Variants in DNAJC13 observed in about 807,000 individuals in gnomAD.
DNAJC13 encodes dnaJ homolog subfamily C member 13.
In DNAJC13, 75 loss-of-function variants were observed where a neutral mutation model predicts 290.5. That is an observed-to-expected ratio of 0.26 (90% CI 0.21 to 0.31). The LOEUF (loss-of-function observed/expected upper bound fraction) is 0.31. DNAJC13 is among the 10% of genes least tolerant of loss of function. DNAJC13 has a pLI of 1.00. For synonymous variants in DNAJC13, 862 were observed against 892.0 expected (o/e 0.97, Z 0.60); for missense variants, 2,260 against 2,674.5 (o/e 0.85, Z 3.42).
chr3:132,480,892 G>A (rs1329582876), intron 26 of DNAJC13, among the ~76,000 whole-genome samples: 1 of 152,156 alleles, frequency 6.6e-6, no homozygotes, highest in East Asian at 1.9e-4. Context: ...CTCATTTGAT[G>A]TTTTTGGTGT....
chr3:132,479,321 T>A (rs1192173468), intron 25 of DNAJC13, 32 bp downstream of exon 25: 1 of 1,393,180 alleles, frequency 7.2e-7, no homozygotes, highest in East Asian at 2.3e-5. Context: ...ACATTGTTAT[T>A]TCCAAGTCAT....
chr3:132,489,828 A>C (rs1171740980), intron 31 of DNAJC13, among the ~76,000 whole-genome samples: 1 of 152,186 alleles, frequency 6.6e-6, no homozygotes, highest in African/African-American at 2.4e-5. Context: ...TACAAATAGA[A>C]AATGAGAATA....
intron 2 of DNAJC13, among the ~76,000 whole-genome samples, chr3:132,437,851 C>T (rs1311166701): frequency 1.3e-5 from 2 of 151,788 alleles, no homozygotes; most frequent in African/African-American, 4.8e-5. Context: ...AAGACAGCTG[C>T]CCGGCCTGAC....
In DNAJC13 at chr3:132,477,961, C is replaced by CTT; in HGVS notation, c.2550-11_2550-10dup. 5 of 1,415,546 alleles carry CTT rather than the reference C, an allele frequency of 3.5e-6. No homozygotes were observed. Among genetic ancestry groups the CTT allele is most frequent in the Admixed American group, 4.0e-5 (2 of 50,464 alleles). 87.7% of individuals were successfully genotyped at this position (1,415,546 alleles called of 1,614,324 possible). On this transcript the variant is annotated intron_variant, in intron 23 of 55. Transcript: ENST00000260818. ...GTTTCATGGCTATTTCTATTGTGAA[C>CTT]TTTTTTTTTTAAAATCTAGGTATGA...
In DNAJC13 at chr3:132,500,802, A is replaced by C; in HGVS notation, c.4425A>C (p.Gly1475=). 1 of 1,613,936 alleles carries C rather than the reference A, an allele frequency of 6.2e-7. No homozygotes were observed. The highest frequency in any genetic ancestry group is 1.3e-5 in the African/African-American group (1 of 75,026). The change falls in exon 39 of 56, where the codon GGA becomes GGC. Residue 1475 remains glycine, a synonymous_variant. Transcript: ENST00000260818. ...TGTTGTGTTGTCTGCAGGTGTGTGG[A>C]TACATAAGTAAATGCTACAGTGTGG... is the stretch of plus-strand genomic sequence containing the variant. ...KPSDMSVQVC[G]YISKCYSVAA...
intron 21 of DNAJC13, among the ~76,000 whole-genome samples, chr3:132,474,655 T>C (rs999401615): frequency 6.6e-6 from 1 of 151,606 alleles, no homozygotes; most frequent in African/African-American, 2.4e-5. Context: ...TTCCTTTTTT[T>C]CCTCAACTTT....
chr3:132,538,422 G>A lies in DNAJC13; in HGVS notation c.*140G>A. 1.6e-6 allele frequency: 1 copy of A among 629,978 alleles called. No individual in the cohort carries two copies. Among genetic ancestry groups the A allele is most frequent in the Non-Finnish European group, 2.6e-6 (1 of 385,176 alleles). The allele number at this position is 629,978 out of a possible 1,614,324, so 39.0% of individuals were successfully genotyped here. A position where few individuals can be genotyped will look rare whatever the true frequency, so the allele number is the denominator to read the frequency against. Reference sequence around the variant, plus strand: ...TCCTTTTTCTATAAATATATTTTTAGGAAAAAAAGTCAGTGATCCTAATTG... The same window carrying A: ...TCCTTTTTCTATAAATATATTTTTAAGAAAAAAAGTCAGTGATCCTAATTG... On this transcript the variant is annotated 3_prime_UTR_variant, in exon 56 of 56. Coordinates refer to ENST00000260818, the MANE Select transcript of DNAJC13 (RefSeq NM_015268.4).
Position 132,460,240 on chromosome 3 carries a change from T to C in DNAJC13, c.1450-10T>C, listed in dbSNP as rs770886695. The C allele has an allele frequency of 1.4e-5, 21 of 1,552,608 alleles. No homozygotes were observed. The African/African-American group carries it at 1.7e-4, about 12-fold the overall frequency. On this transcript the variant is annotated splice_polypyrimidine_tract_variant and intron_variant, in intron 13 of 55. Transcript: ENST00000260818. ...ATGAATTATCACTGTTTTTTTTTTT[T>C]CATCAATAGCCCATGCATGATGACT...
rs1185600910 is a variant in DNAJC13, at chr3:132,525,705, C to G, written c.6156C>G (p.Pro2052=). The change falls in exon 52 of 56, where the codon CCC becomes CCG. Residue 2052 remains proline (P), a synonymous_variant. Coordinates refer to ENST00000260818, the MANE Select transcript of DNAJC13 (RefSeq NM_015268.4). ...ADQVPPLGHL[P]KVIQAMNHRN... is the part of the protein sequence containing the mutation. ...AGGTCCCGCCATTGGGCCATCTTCC[C>G]AAAGTTATCCAGGCAATGAATCATA... The G allele has an allele frequency of 1.2e-6, 2 of 1,614,050 alleles. No homozygotes were observed. Among genetic ancestry groups the G allele is most frequent in the Non-Finnish European group, 8.5e-7 (1 of 1,180,026 alleles).
chr3:132,446,100 G>C (rs1933236525), intron 2 of DNAJC13, among the ~76,000 whole-genome samples: 1 of 151,490 alleles, frequency 6.6e-6, no homozygotes, highest in Admixed American at 6.6e-5. Flanking sequence ...TTGTTGTAAG[G>C]GTATTTTGAA....
At chr3:132,512,908 G>T in intron 44 of DNAJC13, 100 bp from the exon 45 acceptor site, 1 of 959,556 alleles carries the variant, frequency 1.0e-6, no homozygotes, top group Non-Finnish European at 1.6e-6. Flanking sequence ...AGTTATCAGA[G>T]ACTTAAAATT....
chr3:132,432,647 G>T (rs1013245735), intron 1 of DNAJC13, among the ~76,000 whole-genome samples: 1 of 152,190 alleles, frequency 6.6e-6, no homozygotes. Context: ...TCTTTCATTA[G>T]CAGCCAGTTC....
chr3:132,514,783 G>A, intron 46 of DNAJC13, 113 bp downstream of exon 46: 1 of 751,728 alleles, frequency 1.3e-6, no homozygotes. Context: ...TAGTTTTAAA[G>A]TGTTATTTAC....
intron 54 of DNAJC13, among the ~76,000 whole-genome samples, chr3:132,529,764 G>T (rs1936360440): frequency 6.8e-6 from 1 of 147,480 alleles, no homozygotes; most frequent in African/African-American, 2.5e-5. Context: ...TCCAGCCTGG[G>T]TGAAAGAGCG....
chr3:132,470,692 G>T (rs1302334051), intron 20 of DNAJC13, among the ~76,000 whole-genome samples: 1 of 104,492 alleles, frequency 9.6e-6, no homozygotes, highest in Non-Finnish European at 2.0e-5. Flanking sequence ...CCTCCCGGAC[G>T]GGGCGGCTGG....
rs1935552786 is a variant in DNAJC13, at chr3:132,505,402, A to G, written c.4985A>G (p.Asn1662Ser). 3 of 1,584,726 alleles carry G rather than the reference A, an allele frequency of 1.9e-6. No homozygotes were observed. The South Asian group carries it at 3.4e-5, about 18-fold the overall frequency. ...LLEFLESQQE[N>S]MIKKGDCDKT... ...GAATTTCTTGAATCCCAACAAGAAAACATGATTAAAAAAGTATGTTATTGT... is the reference window on the plus strand; with the variant it reads ...GAATTTCTTGAATCCCAACAAGAAAGCATGATTAAAAAAGTATGTTATTGT... Residue 1662 changes from asparagine (N) to serine (S), a missense_variant, in exon 42 of 56, where the codon AAC becomes AGC. Physicochemically the swap from Asn to Ser is conservative, Grantham distance 46 (BLOSUM62 1). Coordinates refer to ENST00000260818, the MANE Select transcript of DNAJC13 (RefSeq NM_015268.4).
intron 17 of DNAJC13, among the ~76,000 whole-genome samples, chr3:132,464,409 C>T (rs1475351634): frequency 1.3e-5 from 2 of 152,042 alleles, no homozygotes; most frequent in South Asian, 2.1e-4. Context: ...AACATGTGAC[C>T]CTTTCAGCTA....
chr3:132,506,151 C>G (rs996222322), intron 42 of DNAJC13, among the ~76,000 whole-genome samples: 6 of 143,580 alleles, frequency 4.2e-5, no homozygotes, highest in Non-Finnish European at 9.0e-5. Context: ...CTCCTGGGTT[C>G]AAGTGATTCT....
intron 46 of DNAJC13, among the ~76,000 whole-genome samples, chr3:132,515,752 A>G (rs1048611086): frequency 1.3e-5 from 2 of 152,208 alleles, no homozygotes; most frequent in Non-Finnish European, 2.9e-5. Context: ...AAGACTTCAG[A>G]CTAAATTATC....
Sources: gnomAD v4.1 joint callset for allele counts (sites outside exome capture counted in the v4.1 genomes callset) on GRCh38, gnomAD v4.1.1 for gene constraint, MANE v1.5 for transcripts, NCBI Gene and HGNC (gene_info 2026-07-23, HGNC 2026-07-21) for gene names.